The following EBF2 variants were observed in gnomAD, a reference collection of about 807,000 sequenced individuals.
The protein encoded by EBF2 is EBF transcription factor 2.
Under a neutral mutation model 72.8 loss-of-function variants are expected in EBF2, and 21 were observed. That is an observed-to-expected ratio of 0.29 (90% confidence interval 0.20 to 0.42). EBF2 has a LOEUF of 0.42. Ranked by LOEUF, EBF2 falls within the 10% of genes least tolerant of loss-of-function variation. The pLI is 1.00. For missense variants in EBF2, 637 were observed against 731.2 expected (o/e 0.87, Z 1.49); for synonymous variants, 299 against 274.2 (o/e 1.09, Z -0.89).
rs377511208 is a variant in EBF2, at chr8:25,912,043, C to A, written c.552-3488G>T. Among the ~76,000 whole-genome samples the A allele has an allele frequency of 2.3e-4, 35 of 152,272 alleles. No homozygotes were observed. The East Asian group carries it at 3.1e-3, about 13-fold the overall frequency. ...TCAGAGCCACCTACATAACCTCTAACAATCCTGCACGGTCCAGCAGCTGAA... is the reference window on the plus strand; with the variant it reads ...TCAGAGCCACCTACATAACCTCTAAAAATCCTGCACGGTCCAGCAGCTGAA... On this transcript the variant is annotated intron_variant, in intron 6 of 15. Coordinates refer to ENST00000520164, the MANE Select transcript of EBF2 (RefSeq NM_022659.4).
At chr8:26,042,039 T>C (rs1805609459) in intron 2 of EBF2, 56 bp downstream of exon 2, 2 of 1,587,534 alleles carry the variant, frequency 1.3e-6, no homozygotes, top group Non-Finnish European at 1.7e-6. Flanking sequence ...GAATCTTTAG[T>C]GCTTCGCAAG....
intron 8 of EBF2, among the ~76,000 whole-genome samples, chr8:25,888,873 A>C (rs1457794553): frequency 6.6e-6 from 1 of 152,204 alleles, no homozygotes; most frequent in Non-Finnish European, 1.5e-5. Flanking sequence ...ACATCCAATC[A>C]GTCAAAAGAA....
At chr8:25,848,657 G>A (rs1024715588) in intron 15 of EBF2, among the ~76,000 whole-genome samples, 13 of 152,162 alleles carry the variant, frequency 8.5e-5, no homozygotes, top group African/African-American at 2.9e-4. Flanking sequence ...AGAGGAGGTG[G>A]GGAAGGGGTG....
chr8:26,011,278 T>G (rs1010123497), intron 6 of EBF2, among the ~76,000 whole-genome samples: 3 of 152,244 alleles, frequency 2.0e-5, no homozygotes, highest in Non-Finnish European at 4.4e-5. Flanking sequence ...ATTTTTAGGT[T>G]GCGTTTGTGA....
chr8:25,862,226 A>T (rs896559924), intron 11 of EBF2, among the ~76,000 whole-genome samples: 2 of 152,234 alleles, frequency 1.3e-5, no homozygotes, highest in East Asian at 1.9e-4. Flanking sequence ...AAATTCATAA[A>T]GTAATTTTCA....
At chr8:25,911,762 G>A (rs959311947) in intron 6 of EBF2, among the ~76,000 whole-genome samples, 3 of 152,216 alleles carry the variant, frequency 2.0e-5, no homozygotes, top group Admixed American at 2.0e-4. Context: ...ATGACTTATT[G>A]AAACCTGAGT....
chr8:25,872,282 T>TA (rs1491268770), intron 10 of EBF2, among the ~76,000 whole-genome samples: 22 of 151,988 alleles, frequency 1.4e-4, no homozygotes, highest in East Asian at 3.9e-4. Context: ...TTGCTTTTTT[T>TA]AAAAAAAATG....
At chr8:26,024,589 T>G (rs1189607592) in intron 6 of EBF2, among the ~76,000 whole-genome samples, 2 of 152,206 alleles carry the variant, frequency 1.3e-5, no homozygotes, top group Non-Finnish European at 2.9e-5. Context: ...GGTTGTAGAA[T>G]GCAGGAAGTC....
chr8:25,953,796 G>A (rs868166698), intron 6 of EBF2, among the ~76,000 whole-genome samples: 2 of 152,200 alleles, frequency 1.3e-5, no homozygotes, highest in African/African-American at 4.8e-5. Context: ...ACAGTCCCTA[G>A]TTAGGGCAAC....
intron 10 of EBF2, among the ~76,000 whole-genome samples, chr8:25,882,305 A>G (rs1305213056): frequency 6.6e-6 from 1 of 152,162 alleles, no homozygotes; most frequent in Non-Finnish European, 1.5e-5. Flanking sequence ...GAGGGGAACA[A>G]GGGGACTTTT....
intron 15 of EBF2, 33 bp downstream of exon 15, chr8:25,850,561 A>G (rs371579735): frequency 3.3e-6 from 5 of 1,510,016 alleles, no homozygotes; most frequent in Non-Finnish European, 4.4e-6. Context: ...CCTATGGTAC[A>G]TTGTGTATCC....
chr8:25,866,166 A>C (rs1053484980), intron 10 of EBF2, among the ~76,000 whole-genome samples: 1 of 151,914 alleles, frequency 6.6e-6, no homozygotes, highest in African/African-American at 2.4e-5. Flanking sequence ...CTTTTGATAG[A>C]TGCATTAATC....
At chr8:25,864,487 G>C (rs1484825983) in intron 10 of EBF2, among the ~76,000 whole-genome samples, 1 of 137,116 alleles carries the variant, frequency 7.3e-6, no homozygotes, top group African/African-American at 2.9e-5. Flanking sequence ...TCCAAGAACT[G>C]GTAGATACAC....
intron 7 of EBF2, among the ~76,000 whole-genome samples, chr8:25,897,251 C>G (rs1802876020): frequency 1.3e-5 from 2 of 151,780 alleles, no homozygotes; most frequent in East Asian, 1.9e-4. Flanking sequence ...TTAATTCTGT[C>G]AAGTTTAAAC....
At chr8:25,869,988 T>G (rs538647367) in intron 10 of EBF2, among the ~76,000 whole-genome samples, 1 of 152,286 alleles carries the variant, frequency 6.6e-6, no homozygotes, top group East Asian at 1.9e-4. Context: ...GAACCAGAGA[T>G]GATGATCCTT....
chr8:25,900,653 G>A (rs191089466), intron 7 of EBF2, among the ~76,000 whole-genome samples: 102 of 152,126 alleles, frequency 6.7e-4, no homozygotes, highest in African/African-American at 2.3e-3. Context: ...ACACCCAAGG[G>A]TCTCTCATGA....
intron 6 of EBF2, among the ~76,000 whole-genome samples, chr8:25,932,603 A>G (rs1803503265): frequency 6.6e-6 from 1 of 152,216 alleles, no homozygotes; most frequent in South Asian, 2.1e-4. Context: ...TAAAAACAAC[A>G]TTGCACAGAT....
chr8:25,924,151 C>T (rs894890103), intron 6 of EBF2, among the ~76,000 whole-genome samples: 3 of 152,192 alleles, frequency 2.0e-5, no homozygotes, highest in Admixed American at 6.5e-5. Flanking sequence ...TGCCTACTCT[C>T]GTCCCTCATA....
intron 10 of EBF2, among the ~76,000 whole-genome samples, chr8:25,865,162 A>T (rs951164356): frequency 1.1e-4 from 17 of 152,252 alleles, no homozygotes; most frequent in South Asian, 2.1e-4. Context: ...TTCAAAAAAA[A>T]TTTCAGTTGC....
Sources: gnomAD v4.1 joint callset for allele counts (sites outside exome capture counted in the v4.1 genomes callset) on GRCh38, gnomAD v4.1.1 for gene constraint, MANE v1.5 for transcripts, NCBI Gene and HGNC (gene_info 2026-07-23, HGNC 2026-07-21) for gene names.